ARID3B: variants seen among roughly 807,000 people sequenced by gnomAD.
ARID3B encodes AT-rich interactive domain-containing protein 3B.
A neutral mutation model predicts 51.9 loss-of-function variants in ARID3B; 10 were observed. The ratio of observed to expected loss-of-function variants is 0.19; its 90% CI spans 0.12 to 0.33. The LOEUF is 0.33. Ranked by LOEUF, ARID3B falls within the 10% of genes least tolerant of loss-of-function variation. ARID3B has a pLI of 1.00. For missense variants in ARID3B, 483 were observed against 716.3 expected (o/e 0.67, Z 3.72); for synonymous variants, 205 against 279.5 (o/e 0.73, Z 2.66).
Position 74,541,322 on chromosome 15 carries a change from C to G in ARID3B, c.-86C>G, listed in dbSNP as rs1050115768. On this transcript the variant is annotated 5_prime_UTR_variant, in exon 1 of 9. Coordinates refer to ENST00000346246, the MANE Select transcript of ARID3B (RefSeq NM_006465.4). ...TCCGCCGCCCGAAAACCCGGAGTGC[C>G]CCGCACAGGTAAGTGGCCCGGGTCC... 2.0e-5 allele frequency: 3 copies of G among 152,348 alleles called. No homozygotes were observed. The highest frequency in any genetic ancestry group is 1.5e-5 in the Non-Finnish European group (1 of 68,146). 9.4% of individuals were successfully genotyped at this position (152,348 alleles called of 1,614,324 possible).
chr15:74,560,849 T>A (rs1378256164), intron 2 of ARID3B, among the ~76,000 whole-genome samples: 1 of 152,218 alleles, frequency 6.6e-6, no homozygotes, highest in African/African-American at 2.4e-5. Context: ...AGATGTTGAT[T>A]AGGTGTCTAT....
chr15:74,572,763 T>A (rs1049572403), intron 2 of ARID3B, 99 bp from the exon 3 acceptor site: 4 of 1,156,536 alleles, frequency 3.5e-6, no homozygotes, highest in African/African-American at 1.5e-5. Flanking sequence ...GCACAATTGC[T>A]AAGCATCTTC....
intron 2 of ARID3B, among the ~76,000 whole-genome samples, chr15:74,566,608 A>C (rs926663100): frequency 6.6e-6 from 1 of 151,998 alleles, no homozygotes; most frequent in Non-Finnish European, 1.5e-5. Context: ...GTCTCAAAAA[A>C]AAAAAAAAAG....
chr15:74,549,354 C>A (rs907689914), intron 2 of ARID3B, among the ~76,000 whole-genome samples: 1 of 152,080 alleles, frequency 6.6e-6, no homozygotes, highest in Non-Finnish European at 1.5e-5. Flanking sequence ...GGATTACAGG[C>A]GTGAGCCACT....
intron 4 of ARID3B, among the ~76,000 whole-genome samples, chr15:74,581,465 A>G (rs1379381557): frequency 1.3e-5 from 2 of 152,210 alleles, no homozygotes; most frequent in Non-Finnish European, 2.9e-5. Flanking sequence ...TGGCAGACGA[A>G]AATATGTTGT....
intron 4 of ARID3B, among the ~76,000 whole-genome samples, chr15:74,583,949 C>T (rs112170716): frequency 6.6e-6 from 1 of 152,194 alleles, no homozygotes; most frequent in Non-Finnish European, 1.5e-5. Flanking sequence ...CAACTACAAG[C>T]TGCACGGCAG....
chr15:74,582,929 C>A (rs1410230633), intron 4 of ARID3B, among the ~76,000 whole-genome samples: 1 of 151,804 alleles, frequency 6.6e-6, no homozygotes, highest in Non-Finnish European at 1.5e-5. Context: ...TACGGTGGCT[C>A]ACACCTGTAA....
chr15:74,566,838 C>T (rs1016400323), intron 2 of ARID3B, among the ~76,000 whole-genome samples: 2 of 152,076 alleles, frequency 1.3e-5, no homozygotes, highest in Non-Finnish European at 2.9e-5. Flanking sequence ...AGACAGTAAG[C>T]TCCATGAGGT....
chr15:74,553,045 C>T (rs1350902736), intron 2 of ARID3B, among the ~76,000 whole-genome samples: 1 of 152,168 alleles, frequency 6.6e-6, no homozygotes, highest in African/African-American at 2.4e-5. Context: ...TTTTGCATTC[C>T]CGTCAGCAGT....
At chr15:74,569,313 T>C (rs2061711003) in intron 2 of ARID3B, among the ~76,000 whole-genome samples, 1 of 152,156 alleles carries the variant, frequency 6.6e-6, no homozygotes, top group African/African-American at 2.4e-5. Flanking sequence ...CTCTGTCTTT[T>C]AGCAGATATA....
At chr15:74,579,278 G>A (rs1240710794) in intron 4 of ARID3B, among the ~76,000 whole-genome samples, 2 of 152,158 alleles carry the variant, frequency 1.3e-5, no homozygotes, top group Non-Finnish European at 2.9e-5. Flanking sequence ...GCACCTTGGC[G>A]ACCCCCTCCC....
chr15:74,557,033 C>T (rs546717352), intron 2 of ARID3B, among the ~76,000 whole-genome samples: 8 of 152,084 alleles, frequency 5.3e-5, no homozygotes, highest in African/African-American at 1.7e-4. Flanking sequence ...CTTCGGCCTC[C>T]CAAAGTGCTA....
At chr15:74,577,123 A>G (rs549451739) in intron 4 of ARID3B, among the ~76,000 whole-genome samples, 1 of 152,138 alleles carries the variant, frequency 6.6e-6, no homozygotes, top group Non-Finnish European at 1.5e-5. Flanking sequence ...ATTCCCAGCG[A>G]TCTCCTTTCT....
At chr15:74,543,566 T>C (rs1377332565) in intron 1 of ARID3B, among the ~76,000 whole-genome samples, 2 of 152,180 alleles carry the variant, frequency 1.3e-5, no homozygotes, top group African/African-American at 4.8e-5. Context: ...GGAAGAGAGA[T>C]CAGAACACGT....
At chr15:74,551,581 C>T (rs1012886951) in intron 2 of ARID3B, among the ~76,000 whole-genome samples, 6 of 152,158 alleles carry the variant, frequency 3.9e-5, no homozygotes, top group Non-Finnish European at 5.9e-5. Flanking sequence ...ACTCTTTGGG[C>T]TCATTCTCTT....
intron 2 of ARID3B, among the ~76,000 whole-genome samples, chr15:74,558,616 T>G (rs1002761352): frequency 6.6e-6 from 1 of 152,218 alleles, no homozygotes; most frequent in Admixed American, 6.5e-5. Flanking sequence ...TCAACAAGTA[T>G]CAACAGTCTG....
intron 2 of ARID3B, among the ~76,000 whole-genome samples, chr15:74,559,472 A>G (rs570574047): frequency 4.6e-5 from 7 of 152,046 alleles, no homozygotes; most frequent in Non-Finnish European, 8.8e-5. Context: ...TTGACCTCTT[A>G]TGTGCCAAGT....
chr15:74,587,544 G>T (rs543977688), intron 4 of ARID3B, among the ~76,000 whole-genome samples: 1 of 152,202 alleles, frequency 6.6e-6, no homozygotes, highest in African/African-American at 2.4e-5. Context: ...GGTCACACGT[G>T]TGAAGATGCC....
At chr15:74,575,443 A>G (rs2061734269) in intron 4 of ARID3B, among the ~76,000 whole-genome samples, 2 of 152,222 alleles carry the variant, frequency 1.3e-5, no homozygotes, top group Admixed American at 6.5e-5. Flanking sequence ...TGCTCAGGAC[A>G]TGTTTGCTGT....
Sources: allele counts gnomAD v4.1 joint callset (sites outside exome capture counted in the v4.1 genomes callset), GRCh38; gene constraint gnomAD v4.1.1; transcripts MANE v1.5; gene names NCBI Gene and HGNC (gene_info 2026-07-23, HGNC 2026-07-21).